DOCK1: variants seen among roughly 807,000 people sequenced by gnomAD.
The protein encoded by DOCK1 is dedicator of cytokinesis 1.
A neutral mutation model predicts 262.7 loss-of-function variants in DOCK1; 138 were observed. The observed-to-expected ratio is 0.53, with a 90% CI of 0.46 to 0.61. DOCK1 has a LOEUF of 0.61. Ranked by LOEUF, DOCK1 falls within the 20% of genes least tolerant of loss-of-function variation. The pLI, the probability that DOCK1 is intolerant of heterozygous loss-of-function variation, is 0.00. For synonymous variants in DOCK1, 866 were observed against 867.4 expected (o/e 1.00, Z 0.03); for missense variants, 1,908 against 2,370.7 (o/e 0.80, Z 4.05).
intron 27 of DOCK1, among the ~76,000 whole-genome samples, chr10:127,174,567 GCC>G (rs2133878890): frequency 6.6e-6 from 1 of 152,276 alleles, no homozygotes; most frequent in South Asian, 2.1e-4. Flanking sequence ...TCTTTCTGCA[GCC>G]CCACTGGACA....
intron 27 of DOCK1, among the ~76,000 whole-genome samples, chr10:127,225,447 C>G (rs866941983): frequency 2.0e-5 from 3 of 152,144 alleles, no homozygotes; most frequent in African/African-American, 7.2e-5. Context: ...CTTTGAGATC[C>G]CAGGCAAATG....
At chr10:126,960,747 C>T (rs1422813747) in intron 1 of DOCK1, among the ~76,000 whole-genome samples, 18,567 of 99,778 alleles carry the variant, frequency 0.19, 1,454 homozygotes, top group Middle Eastern at 0.3. Flanking sequence ...TATATATATA[C>T]ACACACACAC....
In DOCK1 at chr10:126,995,572, T is replaced by C. The variant is rs542759241; in HGVS notation, c.474-1176T>C. ...GGAGAATCAGGCAGGGAGGCTGCAG[T>C]GAGCCGAGATGGCGGCAGTACAGTC... On this transcript the variant is annotated intron_variant, in intron 6 of 51. Transcript: ENST00000623213. The surrounding 1 kb of genome is among the most constrained non-coding windows in gnomAD (Gnocchi z 5.8). Among the ~76,000 whole-genome samples the C allele has an allele frequency of 9.9e-5, 15 of 152,236 alleles. No individual in the cohort carries two copies. The highest frequency in any genetic ancestry group is 3.4e-4 in the African/African-American group (14 of 41,540).
intron 24 of DOCK1, among the ~76,000 whole-genome samples, chr10:127,107,204 A>G (rs1283824323): frequency 2.6e-5 from 4 of 152,150 alleles, no homozygotes; most frequent in African/African-American, 9.7e-5. Flanking sequence ...ATTTGACACA[A>G]TAAACTACCT....
chr10:127,023,883 C>T (rs1339352181), intron 14 of DOCK1, among the ~76,000 whole-genome samples: 1 of 152,098 alleles, frequency 6.6e-6, no homozygotes, highest in Non-Finnish European at 1.5e-5. Context: ...AAATGAAGGC[C>T]CTAAGAAATC....
At chr10:127,397,519 G>GT (rs1355348182) in intron 38 of DOCK1, among the ~76,000 whole-genome samples, 2 of 149,992 alleles carry the variant, frequency 1.3e-5, no homozygotes, top group African/African-American at 4.9e-5. Context: ...CTGAGCATGA[G>GT]TTACACGGGC....
At chr10:127,393,461 AGG>A (rs2066621005) in intron 38 of DOCK1, among the ~76,000 whole-genome samples, 1 of 152,166 alleles carries the variant, frequency 6.6e-6, no homozygotes, top group South Asian at 2.1e-4. Flanking sequence ...TACGGGAAAT[AGG>A]GGCTTCCAGA....
At chr10:127,426,133 G>A in intron 47 of DOCK1, 122 bp downstream of exon 47, 2 of 1,495,470 alleles carry the variant, frequency 1.3e-6, no homozygotes, top group Non-Finnish European at 1.8e-6. Context: ...CTTAGGAAGT[G>A]GGATGTGAGG....
intron 42 of DOCK1, among the ~76,000 whole-genome samples, chr10:127,409,786 G>A (rs11017928): frequency 0.094 from 14,240 of 152,260 alleles, 785 homozygotes; most frequent in South Asian, 0.16. Flanking sequence ...TGGCCTGAAT[G>A]TTTGCATTTT....
chr10:127,439,428 G>A (rs955927968), intron 49 of DOCK1, among the ~76,000 whole-genome samples: 4 of 152,210 alleles, frequency 2.6e-5, no homozygotes, highest in Non-Finnish European at 4.4e-5. Flanking sequence ...CTGGAGGAAG[G>A]TGGGCTTAGC....
intron 29 of DOCK1, among the ~76,000 whole-genome samples, chr10:127,258,237 G>A (rs1323192899): frequency 3.3e-5 from 5 of 152,106 alleles, no homozygotes; most frequent in Non-Finnish European, 2.9e-5. Context: ...GCCACTGAGT[G>A]TTTCCATCAC....
intron 27 of DOCK1, among the ~76,000 whole-genome samples, chr10:127,246,970 C>T (rs192150663): frequency 1.4e-3 from 211 of 152,246 alleles, no homozygotes; most frequent in African/African-American, 4.9e-3. Context: ...TCCTGTGTTT[C>T]TTAAAATGTC....
intron 27 of DOCK1, among the ~76,000 whole-genome samples, chr10:127,131,809 G>A (rs900016108): frequency 2.0e-5 from 3 of 152,166 alleles, no homozygotes; most frequent in Non-Finnish European, 4.4e-5. Context: ...GTTTTGGGTA[G>A]GCTGTTCCAT....
intron 29 of DOCK1, among the ~76,000 whole-genome samples, chr10:127,297,418 G>A (rs2061539505): frequency 6.6e-6 from 1 of 152,100 alleles, no homozygotes; most frequent in Non-Finnish European, 1.5e-5. Context: ...TGTGTGATGA[G>A]AGAAGTGGGG....
intron 27 of DOCK1, among the ~76,000 whole-genome samples, chr10:127,156,842 A>C (rs1286941300): frequency 6.6e-6 from 1 of 152,166 alleles, no homozygotes; most frequent in Non-Finnish European, 1.5e-5. Context: ...TGTTGGGATT[A>C]CAGGCGTGTG....
At chr10:127,379,835 A>T (rs2065729933) in intron 35 of DOCK1, among the ~76,000 whole-genome samples, 1 of 152,202 alleles carries the variant, frequency 6.6e-6, no homozygotes, top group African/African-American at 2.4e-5. Flanking sequence ...CTTTCAAGTG[A>T]CAGAAGTTGA....
At chr10:127,311,669 C>T (rs1234858233) in intron 29 of DOCK1, among the ~76,000 whole-genome samples, 1 of 152,064 alleles carries the variant, frequency 6.6e-6, no homozygotes, top group Non-Finnish European at 1.5e-5. Context: ...GTCGTCCTTT[C>T]GTCCTTTACA....
At chr10:127,137,856 C>A (rs1482207421) in intron 27 of DOCK1, 1 of 1,613,838 alleles carries the variant, frequency 6.2e-7, no homozygotes. Context: ...CCAGAGTTTC[C>A]ATCTTCCGTG....
At chr10:127,117,515 A>C (rs560742844) in intron 25 of DOCK1, among the ~76,000 whole-genome samples, 1 of 152,382 alleles carries the variant, frequency 6.6e-6, no homozygotes, top group Non-Finnish European at 1.5e-5. Flanking sequence ...AAATGTATAA[A>C]GTATACAGTG....
Sources: allele counts gnomAD v4.1 joint callset (sites outside exome capture counted in the v4.1 genomes callset), GRCh38; gene constraint gnomAD v4.1.1; non-coding constraint Gnocchi (gnomAD v3.1); transcripts MANE v1.5; gene names NCBI Gene and HGNC (gene_info 2026-07-23, HGNC 2026-07-21).